Variants in ATP10A observed in about 807,000 individuals in gnomAD.
ATP10A encodes ATPase phospholipid transporting 10A (putative).
In ATP10A, 111 loss-of-function variants were observed where a neutral mutation model predicts 147.8. The ratio of observed to expected loss-of-function variants is 0.75; its 90% CI spans 0.64 to 0.88. The LOEUF (loss-of-function observed/expected upper bound fraction) is 0.88. Ranked by LOEUF, ATP10A falls within the 40% of genes least tolerant of loss-of-function variation. The pLI is 0.00. For synonymous variants in ATP10A, 875 were observed against 841.6 expected (o/e 1.04, Z -0.69); for missense variants, 1,927 against 1,959.0 (o/e 0.98, Z 0.31).
intron 2 of ATP10A, among the ~76,000 whole-genome samples, chr15:25,761,865 G>A (rs1045037414): frequency 6.6e-6 from 1 of 152,286 alleles, no homozygotes; most frequent in South Asian, 2.1e-4. Context: ...TTGGGTTAAT[G>A]CTGGAATGAA....
intron 1 of ATP10A, among the ~76,000 whole-genome samples, chr15:25,788,756 G>A (rs1890281496): frequency 6.6e-6 from 1 of 152,180 alleles, no homozygotes; most frequent in Non-Finnish European, 1.5e-5. Flanking sequence ...ATGAAATGGA[G>A]AACACAGACA....
chr15:25,729,906 G>A (rs1045272335), intron 3 of ATP10A, among the ~76,000 whole-genome samples: 81 of 152,240 alleles, frequency 5.3e-4, no homozygotes, highest in Non-Finnish European at 2.2e-4. Flanking sequence ...CCTGGCAAAC[G>A]TTGAAGGCTG....
intron 1 of ATP10A, among the ~76,000 whole-genome samples, chr15:25,836,355 T>G (rs1267104028): frequency 2.0e-5 from 3 of 152,202 alleles, no homozygotes; most frequent in Admixed American, 2.0e-4. Context: ...GCTAATTCTC[T>G]TCTCTTTCCA....
intron 17 of ATP10A, among the ~76,000 whole-genome samples, chr15:25,681,417 C>G (rs1899403006): frequency 6.6e-6 from 1 of 152,154 alleles, no homozygotes. Context: ...ATACATTTGT[C>G]TTCCTTTACC....
intron 2 of ATP10A, among the ~76,000 whole-genome samples, chr15:25,746,418 C>T (rs1016102187): frequency 1.3e-5 from 2 of 152,072 alleles, no homozygotes; most frequent in Non-Finnish European, 2.9e-5. Context: ...GGTAACATTC[C>T]TTTCTCAGTA....
intron 1 of ATP10A, among the ~76,000 whole-genome samples, chr15:25,793,349 C>A (rs1890523459): frequency 6.6e-6 from 1 of 152,200 alleles, no homozygotes; most frequent in South Asian, 2.1e-4. Flanking sequence ...TGCTGCAGTG[C>A]CTCATGCACA....
At chr15:25,765,350 G>A (rs973765856) in intron 2 of ATP10A, among the ~76,000 whole-genome samples, 6 of 152,242 alleles carry the variant, frequency 3.9e-5, no homozygotes, top group Admixed American at 6.5e-5. Flanking sequence ...TTAGAAACAC[G>A]TCTACCTGCT....
At chr15:25,768,540 C>CTTT (rs59228132) in intron 2 of ATP10A, among the ~76,000 whole-genome samples, 7 of 132,218 alleles carry the variant, frequency 5.3e-5, no homozygotes, top group Non-Finnish European at 8.2e-5. Flanking sequence ...CTCTCTCTCT[C>CTTT]TTTTTTTTTT....
chr15:25,720,450 C>A (rs1458304424), intron 7 of ATP10A, among the ~76,000 whole-genome samples: 1 of 152,152 alleles, frequency 6.6e-6, no homozygotes, highest in Non-Finnish European at 1.5e-5. Flanking sequence ...GCTTTAAGGG[C>A]TGCTGTAGAA....
chr15:25,724,752 C>T (rs899473583), intron 5 of ATP10A, among the ~76,000 whole-genome samples: 4 of 152,230 alleles, frequency 2.6e-5, no homozygotes, highest in Admixed American at 6.5e-5. Flanking sequence ...ATTACCACCA[C>T]CGCTGTGATG....
chr15:25,680,020 GGT>G (rs756560748), intron 20 of ATP10A, 46 bp from the exon 21 acceptor site: 20 of 1,581,536 alleles, frequency 1.3e-5, no homozygotes, highest in Non-Finnish European at 1.6e-5. Context: ...TCCTGTCGGT[GGT>G]GTCTTTGAGC....
At chr15:25,792,166 T>C (rs1644603499) in intron 1 of ATP10A, among the ~76,000 whole-genome samples, 1 of 152,234 alleles carries the variant, frequency 6.6e-6, no homozygotes, top group African/African-American at 2.4e-5. Flanking sequence ...GATAATATCA[T>C]TTGATTTGGG....
chr15:25,847,231 G>A (rs372644913), intron 1 of ATP10A, among the ~76,000 whole-genome samples: 7 of 145,268 alleles, frequency 4.8e-5, no homozygotes, highest in African/African-American at 1.7e-4. Context: ...GCACGCGCAG[G>A]CACTCAGCCA....
chr15:25,693,345 A>T (rs1312041056), intron 14 of ATP10A, among the ~76,000 whole-genome samples: 3 of 152,122 alleles, frequency 2.0e-5, no homozygotes, highest in Non-Finnish European at 4.4e-5. Flanking sequence ...CTTATGGGTC[A>T]TTACTTTCCC....
chr15:25,729,530 G>A (rs1176100864), intron 3 of ATP10A, among the ~76,000 whole-genome samples: 5 of 152,148 alleles, frequency 3.3e-5, no homozygotes, highest in Admixed American at 1.3e-4. Flanking sequence ...CACAGGCACC[G>A]GAGCAATCTT....
At chr15:25,721,220 A>G (rs1242076487) in intron 7 of ATP10A, among the ~76,000 whole-genome samples, 1 of 152,188 alleles carries the variant, frequency 6.6e-6, no homozygotes, top group Non-Finnish European at 1.5e-5. Context: ...GTTCCCAGGA[A>G]CACTGTTCCA....
At chr15:25,819,770 G>A (rs1256479895) in intron 1 of ATP10A, among the ~76,000 whole-genome samples, 7 of 152,130 alleles carry the variant, frequency 4.6e-5, no homozygotes, top group African/African-American at 1.4e-4. Context: ...CATGTCTTTT[G>A]CAGTGACATA....
intron 2 of ATP10A, among the ~76,000 whole-genome samples, chr15:25,763,907 T>G (rs1888889666): frequency 6.6e-6 from 1 of 152,208 alleles, no homozygotes; most frequent in Non-Finnish European, 1.5e-5. Context: ...TGTGTCTTCT[T>G]TTAAGTGCTT....
chr15:25,680,633 G>A (rs1392354256), intron 19 of ATP10A, among the ~76,000 whole-genome samples, 177 bp downstream of exon 19: 1 of 152,082 alleles, frequency 6.6e-6, no homozygotes, highest in African/African-American at 2.4e-5. Context: ...AGGCTGCAGC[G>A]GCTCCCCACA....
Sources: allele counts gnomAD v4.1 joint callset (sites outside exome capture counted in the v4.1 genomes callset), GRCh38; gene constraint gnomAD v4.1.1; transcripts MANE v1.5; gene names NCBI Gene and HGNC (gene_info 2026-07-23, HGNC 2026-07-21).